Variants in CNTROB observed in about 807,000 individuals in gnomAD.
The protein encoded by CNTROB is centrobin.
In CNTROB, 82 loss-of-function variants were observed where a neutral mutation model predicts 115.7. That is an observed-to-expected ratio of 0.71 (90% CI 0.59 to 0.85). The LOEUF (loss-of-function observed/expected upper bound fraction) is 0.85. CNTROB is among the 40% of genes least tolerant of loss of function. CNTROB has a pLI of 0.00. For missense variants in CNTROB, 1,014 were observed against 1,144.4 expected (o/e 0.89, Z 1.64); for synonymous variants, 439 against 456.4 (o/e 0.96, Z 0.49).
Position 7,937,279 on chromosome 17 carries a change from G to C in CNTROB, c.927+17G>C. ...GAGACACTGGTGAGAAGATTGGACT[G>C]GGTTAATTCCACTGGAAGCTGTTAA... On this transcript the variant is annotated intron_variant, in intron 7 of 18. Coordinates refer to ENST00000563694, the MANE Select transcript of CNTROB (RefSeq NM_053051.5). The C allele has an allele frequency of 1.9e-6, 3 of 1,613,658 alleles. No homozygotes were observed.
intron 1 of CNTROB, 150 bp downstream of exon 1, chr17:7,933,499 T>C: frequency 1.2e-6 from 1 of 865,314 alleles, no homozygotes; most frequent in Non-Finnish European, 1.7e-6. Flanking sequence ...GCCATGCTTA[T>C]AAGGGAGGGA....
In CNTROB at chr17:7,936,349, C is replaced by G. The variant is rs979386428; in HGVS notation, c.595-17C>G. On this transcript the variant is annotated splice_polypyrimidine_tract_variant and intron_variant, in intron 4 of 18. Transcript: ENST00000563694. ...CCAAAGATGGGCAACACCCAGACTC[C>G]TCACCCTTTTCCCCAGCATTGTGAG... The G allele has an allele frequency of 1.9e-6, 2 of 1,067,998 alleles. No individual in the cohort carries two copies. Among genetic ancestry groups the G allele is most frequent in the Non-Finnish European group, 2.9e-6 (2 of 681,344 alleles). The allele number at this position is 1,067,998 out of a possible 1,614,324, so 66.2% of individuals were successfully genotyped here.
rs1974806960 is a variant in CNTROB at position 7,948,350 on chromosome 17, G to A, written c.2380+23G>A. 1 of 1,612,712 alleles carries A rather than the reference G, an allele frequency of 6.2e-7. No individual in the cohort carries two copies. Among genetic ancestry groups the A allele is most frequent in the Non-Finnish European group, 8.5e-7 (1 of 1,179,412 alleles). On this transcript the variant is annotated intron_variant, in intron 16 of 18. Transcript: ENST00000563694. This position sits in a 1 kb window ranked among gnomAD's most constrained non-coding sequence, Gnocchi z 4.4. The stretch of plus-strand genomic sequence containing the variant: ...GAGGTGAGCATGTTCTGGTTTATTA[G>A]GGAAAAAAGGAGGGACAGTCCTGAG...
chr17:7,934,943 T>C, intron 3 of CNTROB, 46 bp from the exon 4 acceptor site: 1 of 1,526,462 alleles, frequency 6.6e-7, no homozygotes, highest in Non-Finnish European at 8.8e-7. Flanking sequence ...ACAAGTGGAT[T>C]CCAAAAGCTT....
At chr17:7,938,927 C>T (rs1973519128) in intron 7 of CNTROB, among the ~76,000 whole-genome samples, 3 of 152,066 alleles carry the variant, frequency 2.0e-5, no homozygotes, top group Admixed American at 1.3e-4. Flanking sequence ...TACAGGTGTG[C>T]ACCACCATGC....
At position 7,948,437 on chromosome 17, in the gene CNTROB, G is replaced by A. The variant is rs754083726; in HGVS notation, c.2381-50G>A. ...TTCCTGGGGAAATGGGCTGAGGGCT[G>A]GGGAGACAGGCCCTAGGATGACGCC... is the stretch of plus-strand genomic sequence containing the variant. On this transcript the variant is annotated intron_variant, in intron 16 of 18. Transcript: ENST00000563694. The surrounding 1 kb of genome is among the most constrained non-coding windows in gnomAD (Gnocchi z 4.4). The A allele has an allele frequency of 2.5e-6, 4 of 1,610,012 alleles. No individual in the cohort carries two copies. Among genetic ancestry groups the A allele is most frequent in the East Asian group, 2.2e-5 (1 of 44,850 alleles).
chr17:7,946,385 C>G (rs137869724), intron 13 of CNTROB, among the ~76,000 whole-genome samples: 3 of 152,278 alleles, frequency 2.0e-5, no homozygotes, highest in African/African-American at 4.8e-5. Context: ...GATACTGACT[C>G]TAGCTGAGCC....
At position 7,944,792 on chromosome 17, in the gene CNTROB, C is replaced by T. The variant is rs992977861; in HGVS notation, c.1734+154C>T. Among the ~76,000 whole-genome samples the T allele has an allele frequency of 7.9e-5, 12 of 152,160 alleles. No homozygotes were observed. Among genetic ancestry groups the T allele is most frequent in the Admixed American group, 5.9e-4 (9 of 15,280 alleles). On this transcript the variant is annotated intron_variant, in intron 12 of 18. Transcript: ENST00000563694. This position sits in a 1 kb window ranked among gnomAD's most constrained non-coding sequence, Gnocchi z 4.0. ...TCCTGGGCTCAAGTGATCCTCCCAC[C>T]TCTAACTCCCAAAGTGCTGGGATTC... is the stretch of plus-strand genomic sequence containing the variant.
chr17:7,933,437 G>C (rs1972763227), intron 1 of CNTROB, 88 bp downstream of exon 1: 5 of 1,362,180 alleles, frequency 3.7e-6, no homozygotes, highest in Non-Finnish European at 5.0e-6. Flanking sequence ...AAGCTTTGAT[G>C]AGATTTGAAC....
Position 7,933,117 on chromosome 17 carries a change from G to A in CNTROB, c.38G>A (p.Gly13Glu), listed in dbSNP as rs757252037. 5.0e-6 allele frequency: 8 copies of A among 1,613,998 alleles called. No homozygotes were observed. In the African/African-American group the frequency reaches 1.1e-4, roughly 22 times the overall value. ...GCTGACAGCCCCAGTTCACCCCTCG[G>A]GGCGGAGGATCTCCTGAGTGATTCA... is the stretch of plus-strand genomic sequence containing the variant. Reference protein sequence around the residue: ...TSADSPSSPLGAEDLLSDSSE... With the variant: ...TSADSPSSPLEAEDLLSDSSE... Residue 13 changes from glycine to glutamate, a missense_variant, in exon 1 of 19, where the codon GGG becomes GAG. Coordinates refer to ENST00000563694, the MANE Select transcript of CNTROB (RefSeq NM_053051.5).
At position 7,949,667 on chromosome 17, in the gene CNTROB, T is replaced by C. The variant is rs1975000057; in HGVS notation, c.*157T>C. 12 of 632,924 alleles carry C rather than the reference T, an allele frequency of 1.9e-5. No individual in the cohort carries two copies. In the South Asian group the frequency reaches 3.6e-4, roughly 19 times the overall value. 39.2% of individuals were successfully genotyped at this position (632,924 alleles called of 1,614,324 possible). A position where few individuals can be genotyped will look rare whatever the true frequency, so the allele number is the denominator to read the frequency against. On this transcript the variant is annotated 3_prime_UTR_variant, in exon 19 of 19. Coordinates refer to ENST00000563694, the MANE Select transcript of CNTROB (RefSeq NM_053051.5). ...AAACCACATTTGGTTGAGTACTTTT[T>C]TTATATGTTACATGTTTATATGTCA...
At chr17:7,941,573 T>A (rs1260559299) in intron 9 of CNTROB, among the ~76,000 whole-genome samples, 1 of 125,320 alleles carries the variant, frequency 8.0e-6, no homozygotes, top group Non-Finnish European at 1.6e-5. Flanking sequence ...TACTCCAGCC[T>A]GGGCAACAGA....
At chr17:7,947,153 T>C (rs1974634229) in intron 13 of CNTROB, among the ~76,000 whole-genome samples, 1 of 121,376 alleles carries the variant, frequency 8.2e-6, no homozygotes, top group Non-Finnish European at 1.6e-5. Flanking sequence ...AGAGCGAGAC[T>C]CCATCTCAAA....
intron 7 of CNTROB, among the ~76,000 whole-genome samples, chr17:7,937,672 G>A (rs931275486): frequency 8.5e-5 from 13 of 152,180 alleles, no homozygotes; most frequent in Admixed American, 3.3e-4. Context: ...ACATGGTGGT[G>A]CATGCCTGTA....
At chr17:7,946,598 T>C (rs1228339755) in intron 13 of CNTROB, among the ~76,000 whole-genome samples, 1 of 152,196 alleles carries the variant, frequency 6.6e-6, no homozygotes, top group African/African-American at 2.4e-5. Flanking sequence ...CCGGGTGCAG[T>C]GGCTCACGCC....
In CNTROB at chr17:7,934,223, G is replaced by A. The variant is rs752440318; in HGVS notation, c.355+1G>A. 1.6e-5 allele frequency: 26 copies of A among 1,613,456 alleles called. No homozygotes were observed. Among genetic ancestry groups the A allele is most frequent in the South Asian group, 2.2e-5 (2 of 91,076 alleles). ...CAAACCTCACGTGATACAGCCTATC[G>A]TGAGTAAGCCCCTTCCCTAGAACTA... On this transcript the variant is annotated splice_donor_variant, in intron 2 of 18. Coordinates refer to ENST00000563694, the MANE Select transcript of CNTROB (RefSeq NM_053051.5). LOFTEE classifies it high-confidence loss of function.
chr17:7,933,258 C>T lies in CNTROB; in HGVS notation c.179C>T (p.Ser60Phe), dbSNP rs753600491. 10 of 1,614,242 alleles carry T rather than the reference C, an allele frequency of 6.2e-6. No individual in the cohort carries two copies. The South Asian group carries it at 7.7e-5, about 12-fold the overall frequency. ...ATARAQLYLP[S>F]TSPPHEGLDG... ...GCCCGAGCCCAGCTGTATTTACCCTCCACCTCCCCGCCTCATGAAGGGTTA... is the reference window on the plus strand; with the variant it reads ...GCCCGAGCCCAGCTGTATTTACCCTTCACCTCCCCGCCTCATGAAGGGTTA... Residue 60 changes from serine to phenylalanine, a missense_variant, in exon 1 of 19, where the codon TCC (serine) becomes TTC (phenylalanine). Transcript: ENST00000563694.
chr17:7,937,988 A>G (rs1481766274), intron 7 of CNTROB, among the ~76,000 whole-genome samples: 1 of 135,356 alleles, frequency 7.4e-6, no homozygotes, highest in Non-Finnish European at 1.5e-5. Flanking sequence ...GACTAACTCA[A>G]GTTTCTTTTC....
At position 7,945,790 on chromosome 17, in the gene CNTROB, C is replaced by T. The variant is rs371581569; in HGVS notation, c.1797C>T (p.Val599=). ...AGCCCGAGAAGGAGGAGAGGAGGGT[C>T]TGGACTATGCCTCCCATGGCCGTGG... The part of the protein sequence containing the change: ...PQEPEKEERR[V]WTMPPMAVAL... Residue 599 remains valine, a synonymous_variant, in exon 13 of 19, where the codon GTC becomes GTT. Transcript: ENST00000563694. The T allele has an allele frequency of 6.2e-7, 1 of 1,614,194 alleles. No individual in the cohort carries two copies. Among genetic ancestry groups the T allele is most frequent in the South Asian group, 1.1e-5 (1 of 91,086 alleles).
Sources: allele counts gnomAD v4.1 joint callset (sites outside exome capture counted in the v4.1 genomes callset), GRCh38; gene constraint gnomAD v4.1.1; non-coding constraint Gnocchi (gnomAD v3.1); transcripts MANE v1.5; gene names NCBI Gene and HGNC (gene_info 2026-07-23, HGNC 2026-07-21).